ACYP2: variants seen among roughly 807,000 people sequenced by gnomAD.
ACYP2 encodes the protein acylphosphatase 2, also known as acylphosphatase-2.
Under a neutral mutation model 11.2 loss-of-function variants are expected in ACYP2, and 12 were observed. That is an observed-to-expected ratio of 1.08 (90% CI 0.69 to 1.74). The LOEUF is 1.74. Among genes scored for constraint, ACYP2 ranks in the 40% most tolerant of loss-of-function variants. ACYP2 has a pLI of 0.00. For synonymous variants in ACYP2, 43 were observed against 32.2 expected (o/e 1.33, Z -1.13); for missense variants, 134 against 101.9 (o/e 1.31, Z -1.35).
intron 6 of ACYP2, among the ~76,000 whole-genome samples, chr2:54,261,678 AAAC>A (rs1210611352): frequency 6.6e-5 from 10 of 152,222 alleles, no homozygotes; most frequent in African/African-American, 9.6e-5. Context: ...TAAATTCTTT[AAAC>A]AACATTGTTT....
At chr2:54,118,149 T>C (rs1679924141) in intron 4 of ACYP2, among the ~76,000 whole-genome samples, 1 of 152,234 alleles carries the variant, frequency 6.6e-6, no homozygotes, top group African/African-American at 2.4e-5. Flanking sequence ...TATGTGGAAG[T>C]TGAAGATCTG....
chr2:54,251,272 A>G (rs988312795), intron 6 of ACYP2, among the ~76,000 whole-genome samples: 2 of 152,220 alleles, frequency 1.3e-5, no homozygotes, highest in Non-Finnish European at 2.9e-5. Flanking sequence ...CAATTTTCAC[A>G]TATCAATTCA....
chr2:54,265,642 G>A (rs115556584), intron 6 of ACYP2, among the ~76,000 whole-genome samples: 1 of 152,330 alleles, frequency 6.6e-6, no homozygotes, highest in South Asian at 2.1e-4. Flanking sequence ...CTGCTTCACA[G>A]ATAAATATCT....
At chr2:54,267,972 A>C (rs1688112391) in intron 6 of ACYP2, among the ~76,000 whole-genome samples, 1 of 152,328 alleles carries the variant, frequency 6.6e-6, no homozygotes, top group African/African-American at 2.4e-5. Flanking sequence ...AATTCAAATA[A>C]AGTCCAAGTA....
intron 6 of ACYP2, among the ~76,000 whole-genome samples, chr2:54,268,791 G>T (rs1379186868): frequency 6.6e-6 from 1 of 152,096 alleles, no homozygotes; most frequent in African/African-American, 2.4e-5. Context: ...CCTGGAGCAA[G>T]ACCCCTTTCT....
At chr2:54,015,318 C>G (rs947895594) in intron 2 of ACYP2, among the ~76,000 whole-genome samples, 3 of 116,412 alleles carry the variant, frequency 2.6e-5, no homozygotes, top group African/African-American at 6.4e-5. Flanking sequence ...TCAAGACCAG[C>G]CTGATCATGG....
intron 4 of ACYP2, among the ~76,000 whole-genome samples, chr2:54,130,385 A>C (rs1015977563): frequency 1.3e-5 from 2 of 152,168 alleles, no homozygotes; most frequent in Non-Finnish European, 1.5e-5. Flanking sequence ...GGAGAGAAGT[A>C]GGATATGAGG....
intron 4 of ACYP2, among the ~76,000 whole-genome samples, chr2:54,095,446 T>A (rs2103689569): frequency 6.6e-6 from 1 of 151,632 alleles, no homozygotes; most frequent in Non-Finnish European, 1.5e-5. Context: ...GCTCCTCACT[T>A]CCCAGTAGGG....
intron 2 of ACYP2, among the ~76,000 whole-genome samples, chr2:54,015,199 T>C (rs1673612014): frequency 6.6e-6 from 1 of 151,676 alleles, no homozygotes; most frequent in South Asian, 2.1e-4. Flanking sequence ...AAAACCTGTC[T>C]CTGATAAAAA....
chr2:54,290,734 A>C (rs761571554), intron 6 of ACYP2, among the ~76,000 whole-genome samples: 2 of 152,160 alleles, frequency 1.3e-5, no homozygotes, highest in Non-Finnish European at 2.9e-5. Flanking sequence ...TGGAGAGATC[A>C]GGGTGAGGGT....
chr2:54,226,987 A>AGGCTAT (rs1346924070), intron 6 of ACYP2, among the ~76,000 whole-genome samples: 1 of 152,166 alleles, frequency 6.6e-6, no homozygotes, highest in Non-Finnish European at 1.5e-5. Flanking sequence ...AAACTGCCTG[A>AGGCTAT]GGCTATGGAA....
chr2:53,981,612 G>A (rs1671766631), intron 2 of ACYP2, among the ~76,000 whole-genome samples: 1 of 152,176 alleles, frequency 6.6e-6, no homozygotes, highest in Admixed American at 6.5e-5. Context: ...AAAGGGGAGG[G>A]GGGTTGCAAA....
At chr2:54,287,040 T>G (rs1359178810) in intron 6 of ACYP2, among the ~76,000 whole-genome samples, 1 of 152,052 alleles carries the variant, frequency 6.6e-6, no homozygotes, top group Non-Finnish European at 1.5e-5. Flanking sequence ...TGATACTCTT[T>G]TCACTAAAGG....
At chr2:54,182,189 A>G (rs1277540548) in intron 6 of ACYP2, among the ~76,000 whole-genome samples, 2 of 150,466 alleles carry the variant, frequency 1.3e-5, no homozygotes, top group Non-Finnish European at 2.9e-5. Context: ...CCTCCCGAGT[A>G]GCTGGGATTA....
intron 4 of ACYP2, among the ~76,000 whole-genome samples, chr2:54,097,825 A>G (rs894407360): frequency 2.0e-5 from 3 of 151,032 alleles, no homozygotes; most frequent in African/African-American, 7.3e-5. Flanking sequence ...TATTATACCT[A>G]ATGAATTAAC....
Position 54,232,932 on chromosome 2 carries a change from G to A in ACYP2, c.405-71756G>A, listed in dbSNP as rs1015246445. Among the ~76,000 whole-genome samples the A allele has an allele frequency of 3.9e-5, 6 of 152,268 alleles. No homozygotes were observed. The South Asian group carries it at 1.0e-3, about 26-fold the overall frequency. On this transcript the variant is annotated intron_variant, in intron 6 of 6. Coordinates refer to ENST00000607452, the MANE Select transcript of ACYP2 (RefSeq NM_001320586.2). ...GATGAGATTTGGGTGGGGACACACAGCCAAGCCCTATCAGAATGGTTACAA... is the reference window on the plus strand; with the variant it reads ...GATGAGATTTGGGTGGGGACACACAACCAAGCCCTATCAGAATGGTTACAA...
intron 6 of ACYP2, among the ~76,000 whole-genome samples, chr2:54,140,147 T>C (rs1447516824): frequency 6.6e-6 from 1 of 152,190 alleles, no homozygotes; most frequent in Non-Finnish European, 1.5e-5. Flanking sequence ...TAAGTAGAAT[T>C]GTCACAAAAT....
At chr2:54,118,072 TC>T (rs1392115787) in intron 4 of ACYP2, among the ~76,000 whole-genome samples, 1 of 152,232 alleles carries the variant, frequency 6.6e-6, no homozygotes, top group African/African-American at 2.4e-5. Context: ...AGGAGACCTT[TC>T]TTTCAAAGGA....
intron 2 of ACYP2, among the ~76,000 whole-genome samples, chr2:53,999,254 C>G (rs1393384946): frequency 6.6e-6 from 1 of 152,124 alleles, no homozygotes; most frequent in African/African-American, 2.4e-5. Flanking sequence ...ACATCAATAG[C>G]AAGTTTATGA....
Sources: gnomAD v4.1 joint callset for allele counts (sites outside exome capture counted in the v4.1 genomes callset) on GRCh38, gnomAD v4.1.1 for gene constraint, MANE v1.5 for transcripts, NCBI Gene and HGNC (gene_info 2026-07-23, HGNC 2026-07-21) for gene names.